MPZL1: variants seen among roughly 807,000 people sequenced by gnomAD.
MPZL1 encodes the protein myelin protein zero like 1, also known as myelin protein zero-like protein 1.
A neutral mutation model predicts 29.3 loss-of-function variants in MPZL1; 16 were observed. That is an observed-to-expected ratio of 0.55 (90% CI 0.37 to 0.83). The LOEUF is 0.83. Ranked by LOEUF, MPZL1 falls within the 40% of genes least tolerant of loss-of-function variation. MPZL1 has a pLI of 0.00. For missense variants in MPZL1, 279 were observed against 332.9 expected (o/e 0.84, Z 1.26); for synonymous variants, 143 against 132.0 (o/e 1.08, Z -0.57).
intron 1 of MPZL1, among the ~76,000 whole-genome samples, chr1:167,741,161 C>T (rs1301028809): frequency 6.6e-6 from 1 of 151,492 alleles, no homozygotes; most frequent in Non-Finnish European, 1.5e-5. Flanking sequence ...GGACTGTAGG[C>T]ATGTGCCACC....
intron 1 of MPZL1, among the ~76,000 whole-genome samples, chr1:167,728,318 C>G (rs371014781): frequency 1.3e-5 from 2 of 150,896 alleles, no homozygotes; most frequent in East Asian, 1.9e-4. Flanking sequence ...CGTGAGCCAC[C>G]GTGCCCTGCC....
intron 1 of MPZL1, among the ~76,000 whole-genome samples, chr1:167,756,429 ATTTT>A (rs11455159): frequency 9.5e-5 from 9 of 94,628 alleles, no homozygotes; most frequent in Admixed American, 4.8e-4. Flanking sequence ...GTCTGGCCAG[ATTTT>A]TTTTTTTTTT....
At chr1:167,734,212 C>T (rs1032447196) in intron 1 of MPZL1, among the ~76,000 whole-genome samples, 3 of 149,996 alleles carry the variant, frequency 2.0e-5, no homozygotes, top group Non-Finnish European at 4.4e-5. Context: ...GCCAAGATTG[C>T]GCCACTGCAC....
Position 167,733,741 on chromosome 1 carries a change from CA to C in MPZL1, c.91+11513del, listed in dbSNP as rs760486650. ...CCTGGGTGACAGAGTGAGACTCTGT[CA>C]AAAAAAAAAAAAATTAGCCAGGCTT... On this transcript the variant is annotated intron_variant, in intron 1 of 5. Transcript: ENST00000359523. 3.0e-3 allele frequency among the ~76,000 whole-genome samples: 393 copies of C among 132,732 alleles called. 1 individual carries two copies. Among genetic ancestry groups the C allele is most frequent in the Admixed American group, 4.3e-3 (56 of 13,028 alleles). The allele number at this position is 132,732 out of a possible 152,430, so 87.1% of individuals were successfully genotyped here. A position where few individuals can be genotyped will look rare whatever the true frequency, so the allele number is the denominator to read the frequency against.
chr1:167,784,275 A>G (rs1285638619), intron 5 of MPZL1, among the ~76,000 whole-genome samples: 3 of 152,248 alleles, frequency 2.0e-5, no homozygotes, highest in African/African-American at 7.2e-5. Context: ...GCTAAGGCCT[A>G]TTCATGCAGA....
chr1:167,737,174 C>T (rs945188441), intron 1 of MPZL1, among the ~76,000 whole-genome samples: 1 of 152,136 alleles, frequency 6.6e-6, no homozygotes, highest in African/African-American at 2.4e-5. Flanking sequence ...GTCTTATATA[C>T]TTTGGGTCTC....
chr1:167,722,015 G>A lies in MPZL1; in HGVS notation c.-137G>A, dbSNP rs900201423. 38 of 1,177,502 alleles carry A rather than the reference G, an allele frequency of 3.2e-5. No individual in the cohort carries two copies. Among genetic ancestry groups the A allele is most frequent in the Middle Eastern group, 6.3e-4 (2 of 3,150 alleles). 72.9% of individuals were successfully genotyped at this position (1,177,502 alleles called of 1,614,324 possible). Reference sequence around the variant, plus strand: ...GGAGAGCCGCGGCTGGGACCGGAGTGGGGAGCGCGGCGTGGAGGTGCCACC... The same window carrying A: ...GGAGAGCCGCGGCTGGGACCGGAGTAGGGAGCGCGGCGTGGAGGTGCCACC... On this transcript the variant is annotated 5_prime_UTR_variant, in exon 1 of 6. Coordinates refer to ENST00000359523, the MANE Select transcript of MPZL1 (RefSeq NM_003953.6).
In MPZL1 at chr1:167,745,418, T is replaced by C. The variant is rs182517178; in HGVS notation, c.92-20165T>C. Reference sequence around the variant, plus strand: ...AGCAGACTAATGTCAAGAATGTTTTTGGAACCTTGAACACAGGGAATATCC... The same window carrying C: ...AGCAGACTAATGTCAAGAATGTTTTCGGAACCTTGAACACAGGGAATATCC... On this transcript the variant is annotated intron_variant, in intron 1 of 5. Coordinates refer to ENST00000359523, the MANE Select transcript of MPZL1 (RefSeq NM_003953.6). Among the ~76,000 whole-genome samples the C allele has an allele frequency of 5.3e-5, 8 of 152,258 alleles. No homozygotes were observed. The East Asian group carries it at 1.5e-3, about 29-fold the overall frequency.
intron 1 of MPZL1, among the ~76,000 whole-genome samples, chr1:167,727,345 T>G (rs901584885): frequency 6.6e-6 from 1 of 152,238 alleles, no homozygotes; most frequent in Admixed American, 6.5e-5. Context: ...CTGACTGTTT[T>G]TGAGTTATAT....
intron 1 of MPZL1, among the ~76,000 whole-genome samples, chr1:167,753,789 C>G (rs569237232): frequency 3.1e-4 from 47 of 152,054 alleles, no homozygotes; most frequent in African/African-American, 1.1e-3. Context: ...GCCATCACGC[C>G]GGGCTAATTT....
At chr1:167,756,471 A>T (rs1032791481) in intron 1 of MPZL1, among the ~76,000 whole-genome samples, 1 of 145,538 alleles carries the variant, frequency 6.9e-6, no homozygotes, top group African/African-American at 2.5e-5. Flanking sequence ...CAAATATTTC[A>T]AAAGGTGAGT....
intron 4 of MPZL1, 24 bp downstream of exon 4, chr1:167,773,392 G>A (rs1558123680): frequency 1.2e-6 from 2 of 1,605,498 alleles, no homozygotes; most frequent in African/African-American, 2.7e-5. Flanking sequence ...TTTTTTTAGG[G>A]CAGGGGTGGA....
At chr1:167,739,282 C>CATATATACAT (rs1387652331) in intron 1 of MPZL1, among the ~76,000 whole-genome samples, 29 of 90,404 alleles carry the variant, frequency 3.2e-4, no homozygotes, top group South Asian at 2.7e-3. Flanking sequence ...TACATATATA[C>CATATATACAT]ATATATATAT....
chr1:167,746,493 A>G (rs1183139002), intron 1 of MPZL1, among the ~76,000 whole-genome samples: 4 of 152,226 alleles, frequency 2.6e-5, no homozygotes, highest in African/African-American at 9.6e-5. Context: ...AGTGAAGACA[A>G]TACATATGTC....
intron 1 of MPZL1, among the ~76,000 whole-genome samples, chr1:167,731,844 C>A (rs1411165633): frequency 6.6e-6 from 1 of 151,792 alleles, no homozygotes; most frequent in Non-Finnish European, 1.5e-5. Flanking sequence ...AATAGCAAGA[C>A]CCCATCTCTA....
chr1:167,776,491 A>G (rs753261178), intron 5 of MPZL1, among the ~76,000 whole-genome samples: 3 of 152,348 alleles, frequency 2.0e-5, no homozygotes, highest in Non-Finnish European at 2.9e-5. Flanking sequence ...GCCCAAGGAA[A>G]TGAATCTAAT....
chr1:167,737,531 G>C (rs1660400828), intron 1 of MPZL1, among the ~76,000 whole-genome samples: 1 of 152,210 alleles, frequency 6.6e-6, no homozygotes, highest in Non-Finnish European at 1.5e-5. Context: ...TATTTTAGCA[G>C]ATCGGGTTGT....
chr1:167,733,902 A>T (rs1227443496), intron 1 of MPZL1, among the ~76,000 whole-genome samples: 1 of 142,900 alleles, frequency 7.0e-6, no homozygotes, highest in Non-Finnish European at 1.5e-5. Flanking sequence ...GACCCTGTTT[A>T]AAAAAAAAAA....
rs562598317 is a variant in MPZL1, at chr1:167,782,631, C to T, written c.709-5189C>T. Among the ~76,000 whole-genome samples, 10 of 152,248 alleles carry T rather than the reference C, an allele frequency of 6.6e-5. No homozygotes were observed. In the South Asian group the frequency reaches 2.1e-3, roughly 32 times the overall value. ...CCCACAAAGAGGTCCACATTCTAAT[C>T]TCTGGATTCTTTAGGATATGTTACC... On this transcript the variant is annotated intron_variant, in intron 5 of 5. Transcript: ENST00000359523.
Sources: allele counts gnomAD v4.1 joint callset (sites outside exome capture counted in the v4.1 genomes callset), GRCh38; gene constraint gnomAD v4.1.1; transcripts MANE v1.5; gene names NCBI Gene and HGNC (gene_info 2026-07-23, HGNC 2026-07-21).